Variants in JPT2 observed in about 807,000 individuals in gnomAD.
The protein encoded by JPT2 is Jupiter microtubule associated homolog 2, also known as CRAMP_1 like.
JPT2 carries 9 observed loss-of-function variants against 15.9 expected under a neutral mutation model. That is an observed-to-expected ratio of 0.57 (90% CI 0.34 to 0.99). JPT2 has a LOEUF of 0.99. JPT2 is among the 50% of genes least tolerant of loss of function. The pLI, the probability that JPT2 is intolerant of heterozygous loss-of-function variation, is 0.02. For synonymous variants in JPT2, 95 were observed against 91.7 expected (o/e 1.04, Z -0.21); for missense variants, 267 against 252.1 (o/e 1.06, Z -0.40).
intron 3 of JPT2, among the ~76,000 whole-genome samples, chr16:1,694,672 A>G (rs1351989943): frequency 3.9e-5 from 6 of 152,180 alleles, no homozygotes; most frequent in Non-Finnish European, 7.3e-5. Context: ...GAACTGAGAA[A>G]TAAAGCCTTC....
At chr16:1,682,738 G>C (rs572847655) in intron 1 of JPT2, among the ~76,000 whole-genome samples, 1 of 151,836 alleles carries the variant, frequency 6.6e-6, no homozygotes, top group African/African-American at 2.4e-5. Flanking sequence ...GAAGTCAGAT[G>C]GCCTTATGGC....
At chr16:1,692,308 A>T (rs2037109765) in intron 3 of JPT2, 1 of 331,608 alleles carries the variant, frequency 3.0e-6, no homozygotes, top group South Asian at 4.2e-5. Flanking sequence ...GCCGCAGACG[A>T]GCTGGGCCCT....
rs1465988153 is a variant in JPT2 at position 1,699,731 on chromosome 16, G to A, written c.*733G>A. The A allele has an allele frequency of 4.3e-6, 1 of 232,606 alleles. No homozygotes were observed. Among genetic ancestry groups the A allele is most frequent in the Non-Finnish European group, 8.7e-6 (1 of 115,066 alleles). 14.4% of individuals were successfully genotyped at this position (232,606 alleles called of 1,614,324 possible). On this transcript the variant is annotated 3_prime_UTR_variant, in exon 5 of 5. Transcript: ENST00000248098. ...GGTCCTTTACATGCCAGTTTTGCTTGTGAATTCTTGCTTTTTTCCTCTCAT... is the reference window on the plus strand; with the variant it reads ...GGTCCTTTACATGCCAGTTTTGCTTATGAATTCTTGCTTTTTTCCTCTCAT...
intron 2 of JPT2, among the ~76,000 whole-genome samples, chr16:1,688,091 G>A (rs571850133): frequency 1.4e-4 from 22 of 152,316 alleles, no homozygotes; most frequent in South Asian, 1.0e-3. Flanking sequence ...GATGACCAAC[G>A]TCTATGAATT....
chr16:1,683,745 C>T (rs181309647), intron 1 of JPT2: 4 of 597,216 alleles, frequency 6.7e-6, no homozygotes, highest in African/African-American at 1.9e-5. Context: ...AGCGCTCTTT[C>T]TAGATCTTTT....
chr16:1,687,756 A>G (rs910927131), intron 2 of JPT2, among the ~76,000 whole-genome samples: 4 of 152,152 alleles, frequency 2.6e-5, no homozygotes, highest in Non-Finnish European at 5.9e-5. Flanking sequence ...CTATCTCTCC[A>G]GTGCTCTTGG....
chr16:1,702,216 G>A, downstream of JPT2: 1 of 452,296 alleles, frequency 2.2e-6, no homozygotes, highest in Non-Finnish European at 4.4e-6. Context: ...CATTCTGCCT[G>A]CTAGATCGGG....
intron 3 of JPT2, chr16:1,692,504 G>A (rs2037111248): frequency 6.0e-6 from 1 of 165,978 alleles, no homozygotes; most frequent in Non-Finnish European, 1.3e-5. Context: ...AAGTGGCCTG[G>A]AAAGGAGAGG....
rs1455426618 is a variant in JPT2, at chr16:1,700,133, A to G, written c.*1135A>G. 4.4e-6 allele frequency: 2 copies of G among 456,082 alleles called. No individual in the cohort carries two copies. Among genetic ancestry groups the G allele is most frequent in the Non-Finnish European group, 8.8e-6 (2 of 226,778 alleles). 28.3% of individuals were successfully genotyped at this position (456,082 alleles called of 1,614,324 possible). ...AGAAGAGCTGTGGAGGCCACCCTCT[A>G]CAAAGCTTTATAGAACTTCTGGATC... On this transcript the variant is annotated 3_prime_UTR_variant, in exon 5 of 5. Coordinates refer to ENST00000248098, the MANE Select transcript of JPT2 (RefSeq NM_144570.3).
At chr16:1,691,307 A>T (rs1218826709) in intron 2 of JPT2, among the ~76,000 whole-genome samples, 1 of 152,230 alleles carries the variant, frequency 6.6e-6, no homozygotes, top group African/African-American at 2.4e-5. Flanking sequence ...AAGATGTTAC[A>T]TGTGTCTAAT....
rs1156768338 is a variant in JPT2, at chr16:1,699,397, GA to G, written c.*402del. 2 of 421,474 alleles carry G rather than the reference GA, an allele frequency of 4.7e-6. No homozygotes were observed. Among genetic ancestry groups the G allele is most frequent in the African/African-American group, 4.0e-5 (2 of 49,608 alleles). The allele number at this position is 421,474 out of a possible 1,614,324, so 26.1% of individuals were successfully genotyped here. On this transcript the variant is annotated 3_prime_UTR_variant, in exon 5 of 5. Coordinates refer to ENST00000248098, the MANE Select transcript of JPT2 (RefSeq NM_144570.3). ...CTGTGGGATGGAGGAGGCGTAAGCA[GA>G]AACACTAACAGTATATTGACCTCTT...
chr16:1,680,577 G>C, intron 1 of JPT2: 1 of 1,030,952 alleles, frequency 9.7e-7, no homozygotes, highest in Middle Eastern at 2.7e-4. Context: ...GAGTCGCAGG[G>C]CGGGCGCCTT....
At chr16:1,702,277 A>T (rs559968341), downstream of JPT2, 68 of 424,600 alleles carry the variant, frequency 1.6e-4, no homozygotes, top group African/African-American at 1.4e-3. Flanking sequence ...ACATGCATTA[A>T]CTGAAACACC....
rs899622315 is a variant in JPT2, at chr16:1,701,227, G to A, written c.*2229G>A. 2 of 152,626 alleles carry A rather than the reference G, an allele frequency of 1.3e-5. No homozygotes were observed. The highest frequency in any genetic ancestry group is 6.5e-5 in the Admixed American group (1 of 15,282). 9.5% of individuals were successfully genotyped at this position (152,626 alleles called of 1,614,324 possible). Reference sequence around the variant, plus strand: ...CTGTTCTCACCCTCTAAGCTGCATTGAGAAATGACTCGTCTCTGTATTTGT... The same window carrying A: ...CTGTTCTCACCCTCTAAGCTGCATTAAGAAATGACTCGTCTCTGTATTTGT... On this transcript the variant is annotated 3_prime_UTR_variant, in exon 5 of 5. Transcript: ENST00000248098.
chr16:1,699,037 CAA>C lies in JPT2; in HGVS notation c.*40_*41del, dbSNP rs1355826388. 1 of 1,591,690 alleles carries C rather than the reference CAA, an allele frequency of 6.3e-7. No homozygotes were observed. Among genetic ancestry groups the C allele is most frequent in the Admixed American group, 1.7e-5 (1 of 59,984 alleles). ...TCCACCCGGAGCCAGACCAGAAACT[CAA>C]GAGATAGGGTAGCCATGTTTTCATT... On this transcript the variant is annotated 3_prime_UTR_variant, in exon 5 of 5. Coordinates refer to ENST00000248098, the MANE Select transcript of JPT2 (RefSeq NM_144570.3).
rs34135815 is a variant in JPT2 at position 1,685,487 on chromosome 16, A to G, written c.93A>G (p.Pro31=). The change falls in exon 2 of 5, where the codon CCA becomes CCG. Residue 31 remains proline (P), a synonymous_variant. Coordinates refer to ENST00000248098, the MANE Select transcript of JPT2 (RefSeq NM_144570.3). ...GGESSNLFGS[P]EEATPSSRPN... is the part of the protein sequence containing the mutation. ...AATCGAGCAATCTTTTTGGAAGTCC[A>G]GAAGAAGCTACTCCTTCCAGCAGGC... 1,176 of 1,614,178 alleles carry G rather than the reference A, an allele frequency of 7.3e-4. 11 individuals carry two copies. In the African/African-American group the frequency reaches 0.014, roughly 20 times the overall value.
rs2037041505 is a variant in JPT2, at chr16:1,683,531, A to G, written c.45-1908A>G. The G allele has an allele frequency of 2.0e-6, 3 of 1,534,946 alleles. No individual in the cohort carries two copies. In the Admixed American group the frequency reaches 5.9e-5, roughly 30 times the overall value. ...CAGGAAATGGCAACTGCTGACAGGA[A>G]GTTTGGCATCCACCTCCCCCAGCCT... On this transcript the variant is annotated intron_variant, in intron 1 of 4. Transcript: ENST00000248098.
At chr16:1,679,267 G>A (rs1026194767) in intron 1 of JPT2, among the ~76,000 whole-genome samples, 8 of 152,234 alleles carry the variant, frequency 5.3e-5, no homozygotes, top group African/African-American at 1.7e-4. Context: ...AGAAGTAGAA[G>A]AGAATATGTG....
At chr16:1,687,505 CT>C (rs1390219218) in intron 2 of JPT2, among the ~76,000 whole-genome samples, 7 of 152,160 alleles carry the variant, frequency 4.6e-5, no homozygotes, top group Non-Finnish European at 1.0e-4. Context: ...GTGTATGAAT[CT>C]GCTCATTTGG....
Sources: allele counts gnomAD v4.1 joint callset (sites outside exome capture counted in the v4.1 genomes callset), GRCh38; gene constraint gnomAD v4.1.1; transcripts MANE v1.5; gene names NCBI Gene and HGNC (gene_info 2026-07-23, HGNC 2026-07-21).